GRIK4: variants seen among roughly 807,000 people sequenced by gnomAD.
The protein encoded by GRIK4 is glutamate receptor ionotropic, kainate 4.
Under a neutral mutation model 104.9 loss-of-function variants are expected in GRIK4, and 40 were observed. That is an observed-to-expected ratio of 0.38 (90% confidence interval 0.30 to 0.50). GRIK4 has a LOEUF of 0.50. Ranked by LOEUF, GRIK4 falls within the 20% of genes least tolerant of loss-of-function variation. GRIK4 has a pLI of 0.93. For missense variants in GRIK4, 1,047 were observed against 1,308.1 expected, an observed-to-expected ratio of 0.80 and a Z score of 3.08; for synonymous variants, 485 against 524.9, an observed-to-expected ratio of 0.92 and a Z score of 1.04.
chr11:120,752,199 AGC>A (rs1291576568), intron 3 of GRIK4, among the ~76,000 whole-genome samples: 5 of 152,196 alleles, frequency 3.3e-5, no homozygotes. Context: ...CAAGTCTGTC[AGC>A]CAGGGAGCAG....
Position 120,902,134 on chromosome 11 carries a change from C to T in GRIK4, c.1273-3156C>T, listed in dbSNP as rs555861443. 6.6e-6 allele frequency among the ~76,000 whole-genome samples: 1 copy of T among 152,304 alleles called. No individual in the cohort carries two copies. The highest frequency in any genetic ancestry group is 2.1e-4 in the South Asian group (1 of 4,830). ...AAAACTCAGCACACATTCATGTTGT[C>T]TCCCCGCTCTGGTCAGGGCACACTT... is the stretch of plus-strand genomic sequence containing the variant. On this transcript the variant is annotated intron_variant, in intron 12 of 20. Transcript: ENST00000527524. The surrounding 1 kb of genome is among the most constrained non-coding windows in gnomAD (Gnocchi z 4.5).
intron 14 of GRIK4, among the ~76,000 whole-genome samples, chr11:120,951,529 A>T (rs1318289710): frequency 2.0e-5 from 3 of 152,226 alleles, no homozygotes; most frequent in African/African-American, 7.2e-5. Flanking sequence ...TTTTGAGCTT[A>T]AACGCTTACC....
intron 1 of GRIK4, among the ~76,000 whole-genome samples, chr11:120,621,884 A>T (rs896990617): frequency 6.6e-6 from 1 of 151,732 alleles, no homozygotes; most frequent in Non-Finnish European, 1.5e-5. Flanking sequence ...TATGTCATTT[A>T]TTATTATTAT....
chr11:120,597,052 C>T (rs1340988425), intron 1 of GRIK4, among the ~76,000 whole-genome samples: 2 of 152,192 alleles, frequency 1.3e-5, no homozygotes, highest in South Asian at 2.1e-4. Context: ...CAGTTCTCCC[C>T]TCACTTGGGG....
chr11:120,882,486 A>T (rs1483181095), intron 11 of GRIK4, among the ~76,000 whole-genome samples: 4 of 152,132 alleles, frequency 2.6e-5, no homozygotes, highest in Non-Finnish European at 5.9e-5. Flanking sequence ...TTTCCCCCAG[A>T]ACCAGTGGGA....
At chr11:120,631,019 T>C (rs1490397435) in intron 1 of GRIK4, among the ~76,000 whole-genome samples, 1 of 152,246 alleles carries the variant, frequency 6.6e-6, no homozygotes, top group Admixed American at 6.5e-5. Context: ...ATTTACAAGC[T>C]GGGTCATGTC....
At chr11:120,784,788 C>T (rs952938633) in intron 3 of GRIK4, among the ~76,000 whole-genome samples, 11 of 152,034 alleles carry the variant, frequency 7.2e-5, no homozygotes, top group Admixed American at 5.9e-4. Flanking sequence ...GATCTCTACC[C>T]TCCCTCCCCT....
chr11:120,770,728 T>C (rs1411221132), intron 3 of GRIK4, among the ~76,000 whole-genome samples: 1 of 152,192 alleles, frequency 6.6e-6, no homozygotes, highest in African/African-American at 2.4e-5. Context: ...GTGTTAGTAT[T>C]AGGAGGTGAG....
chr11:120,561,039 A>G (rs989742118), intron 1 of GRIK4, among the ~76,000 whole-genome samples: 2 of 152,224 alleles, frequency 1.3e-5, no homozygotes, highest in African/African-American at 2.4e-5. Context: ...TGAATAGTAG[A>G]CATTTGGAAA....
chr11:120,928,988 T>TGTGC (rs1205285819), intron 13 of GRIK4, among the ~76,000 whole-genome samples: 3,109 of 118,520 alleles, frequency 0.026, 125 homozygotes, highest in African/African-American at 0.078. Flanking sequence ...TGTGTGTGTG[T>TGTGC]GCGCGCGTGC....
intron 1 of GRIK4, among the ~76,000 whole-genome samples, chr11:120,564,047 G>A (rs1948275017): frequency 6.6e-6 from 1 of 152,208 alleles, no homozygotes; most frequent in South Asian, 2.1e-4. Context: ...GGCAGTTTAT[G>A]TAGTGGGGAA....
Position 120,524,195 on chromosome 11 carries a change from G to A in GRIK4, c.-159+12308G>A, listed in dbSNP as rs1244459388. ...CAGCCTTGACCTCCCAAAGTGCTGG[G>A]ATTAGCGGCGTGAGCCACCGCGTCT... On this transcript the variant is annotated intron_variant, in intron 1 of 20. Coordinates refer to ENST00000527524, the MANE Select transcript of GRIK4 (RefSeq NM_014619.5). The surrounding 1 kb of genome is among the most constrained non-coding windows in gnomAD (Gnocchi z 4.5). 6.6e-6 allele frequency among the ~76,000 whole-genome samples: 1 copy of A among 152,176 alleles called. No homozygotes were observed. The highest frequency in any genetic ancestry group is 1.5e-5 in the Non-Finnish European group (1 of 68,032).
chr11:120,974,550 C>T (rs1009745085), intron 19 of GRIK4, among the ~76,000 whole-genome samples: 1 of 152,176 alleles, frequency 6.6e-6, no homozygotes, highest in African/African-American at 2.4e-5. Context: ...CGAGAAATTT[C>T]AAAGAAAAGG....
At chr11:120,631,246 C>T (rs1194463042) in intron 1 of GRIK4, among the ~76,000 whole-genome samples, 5 of 152,244 alleles carry the variant, frequency 3.3e-5, no homozygotes, top group Admixed American at 2.6e-4. Context: ...GTTGGCTCTG[C>T]AGCTCAATGG....
intron 3 of GRIK4, among the ~76,000 whole-genome samples, chr11:120,752,651 C>T (rs1340126439): frequency 6.6e-6 from 1 of 152,188 alleles, no homozygotes; most frequent in Non-Finnish European, 1.5e-5. Flanking sequence ...ATTTTACTTT[C>T]CACCCTCCCT....
At chr11:120,724,326 A>G (rs1950990498) in intron 3 of GRIK4, among the ~76,000 whole-genome samples, 1 of 152,134 alleles carries the variant, frequency 6.6e-6, no homozygotes, top group Admixed American at 6.6e-5. Context: ...TTCGTTTTTA[A>G]TACTGGATAG....
chr11:120,837,035 A>T (rs1033555717), intron 8 of GRIK4, among the ~76,000 whole-genome samples, 191 bp downstream of exon 8: 16 of 152,182 alleles, frequency 1.1e-4, no homozygotes, highest in Non-Finnish European at 1.9e-4. Context: ...GAGAATGAGG[A>T]TTTGGGGAAT....
At chr11:120,646,816 A>T (rs574479681) in intron 1 of GRIK4, among the ~76,000 whole-genome samples, 1 of 152,348 alleles carries the variant, frequency 6.6e-6, no homozygotes, top group South Asian at 2.1e-4. Flanking sequence ...GGTCTGATTT[A>T]GAAGAAAACC....
chr11:120,569,385 A>G (rs1204378645), intron 1 of GRIK4, among the ~76,000 whole-genome samples: 1 of 152,226 alleles, frequency 6.6e-6, no homozygotes, highest in Non-Finnish European at 1.5e-5. Context: ...TAGTTTATAA[A>G]GCTGCCTTCC....
Sources: gnomAD v4.1 joint callset for allele counts (sites outside exome capture counted in the v4.1 genomes callset) on GRCh38, gnomAD v4.1.1 for gene constraint, Gnocchi (gnomAD v3.1) non-coding constraint, MANE v1.5 for transcripts, NCBI Gene and HGNC (gene_info 2026-07-23, HGNC 2026-07-21) for gene names.